The following ERC2 variants were observed in gnomAD, a reference collection of about 807,000 sequenced individuals.
The protein encoded by ERC2 is ELKS/RAB6-interacting/CAST family member 2.
In ERC2, 42 loss-of-function variants were observed where a neutral mutation model predicts 114.8. The ratio of observed to expected loss-of-function variants is 0.37; its 90% confidence interval spans 0.29 to 0.47. The LOEUF (loss-of-function observed/expected upper bound fraction) is 0.47, where lower values mean the gene tolerates loss of function less well. Among genes scored for constraint, ERC2 ranks in the 20% least tolerant of loss-of-function variants. The pLI, the probability that ERC2 is intolerant of heterozygous loss-of-function variation, is 0.99. For missense variants in ERC2, 939 were observed against 1,150.7 expected (o/e 0.82, Z 2.66); for synonymous variants, 454 against 425.5 (o/e 1.07, Z -0.82).
intron 3 of ERC2, among the ~76,000 whole-genome samples, chr3:56,196,058 T>C (rs567303441): frequency 3.8e-4 from 58 of 152,076 alleles, no homozygotes; most frequent in Non-Finnish European, 5.0e-4. Context: ...TGCATACTGA[T>C]TTTTAGCCAG....
rs146033448 is a variant in ERC2, at chr3:55,824,411, G to A, written c.2564+63978C>T. Among the ~76,000 whole-genome samples, 165 of 152,208 alleles carry A rather than the reference G, an allele frequency of 1.1e-3. 1 individual carries two copies. Among genetic ancestry groups the A allele is most frequent in the African/African-American group, 3.6e-3 (150 of 41,546 alleles). On this transcript the variant is annotated intron_variant, in intron 14 of 17. Coordinates refer to ENST00000288221, the MANE Select transcript of ERC2 (RefSeq NM_015576.3). Reference sequence around the variant, plus strand: ...TGTTAACCTGGACCTTCCTTGGACTGTTTATATGAGCAAAAATAAACTCCC... The same window carrying A: ...TGTTAACCTGGACCTTCCTTGGACTATTTATATGAGCAAAAATAAACTCCC...
intron 14 of ERC2, among the ~76,000 whole-genome samples, chr3:55,816,032 T>G (rs1410337378): frequency 6.6e-6 from 1 of 152,220 alleles, no homozygotes; most frequent in Non-Finnish European, 1.5e-5. Flanking sequence ...CCCAGGGACT[T>G]TAACTCTGCA....
At chr3:56,440,979 C>A (rs1187569790) in intron 1 of ERC2, among the ~76,000 whole-genome samples, 4 of 152,168 alleles carry the variant, frequency 2.6e-5, no homozygotes, top group African/African-American at 9.7e-5. Flanking sequence ...GAAATTGATT[C>A]TATTTCCTTT....
At chr3:56,034,243 C>T (rs1203031099) in intron 7 of ERC2, among the ~76,000 whole-genome samples, 1 of 151,926 alleles carries the variant, frequency 6.6e-6, no homozygotes, top group African/African-American at 2.4e-5. Flanking sequence ...AAGGTCATTG[C>T]ATAATAATAA....
intron 14 of ERC2, among the ~76,000 whole-genome samples, chr3:55,859,603 G>A (rs1414439651): frequency 6.6e-6 from 1 of 152,006 alleles, no homozygotes; most frequent in Non-Finnish European, 1.5e-5. Flanking sequence ...ATGTGGTAAT[G>A]TATCATCTTG....
intron 3 of ERC2, among the ~76,000 whole-genome samples, chr3:56,247,072 C>T (rs552228555): frequency 6.6e-6 from 1 of 152,318 alleles, no homozygotes; most frequent in South Asian, 2.1e-4. Context: ...GTGCAGAGAA[C>T]TAAAAACTGG....
intron 17 of ERC2, chr3:55,606,879 C>T (rs1386093728): frequency 6.6e-6 from 1 of 152,346 alleles, no homozygotes; most frequent in Non-Finnish European, 1.5e-5. Context: ...GAACTGGGGG[C>T]TCCCACTCTA....
intron 13 of ERC2, among the ~76,000 whole-genome samples, chr3:55,930,874 C>T (rs193028076): frequency 6.6e-5 from 10 of 152,180 alleles, no homozygotes; most frequent in African/African-American, 2.4e-4. Flanking sequence ...GGGCTAATAT[C>T]CAGAATCTAC....
Position 55,583,433 on chromosome 3 carries a change from T to C in ERC2, c.*40-72157A>G, listed in dbSNP as rs867446414. On this transcript the variant is annotated intron_variant, in intron 17 of 17. Transcript: ENST00000288221. The stretch of plus-strand genomic sequence containing the variant: ...TTCCTTCCTTCCTTCCTTCCTTCCT[T>C]CCTTCCTTCCTCCCTCCCTCCTTCC... Among the ~76,000 whole-genome samples the C allele has an allele frequency of 1.3e-3, 152 of 118,110 alleles. 2 individuals are homozygous for C. Among genetic ancestry groups the C allele is most frequent in the African/African-American group, 5.4e-3 (142 of 26,354 alleles). The allele number at this position is 118,110 out of a possible 152,430, so 77.5% of individuals were successfully genotyped here. A position where few individuals can be genotyped will look rare whatever the true frequency, so the allele number is the denominator to read the frequency against.
chr3:56,110,728 T>C (rs2078913232), intron 6 of ERC2, among the ~76,000 whole-genome samples: 1 of 152,288 alleles, frequency 6.6e-6, no homozygotes, highest in East Asian at 1.9e-4. Flanking sequence ...GTAGGCAGGA[T>C]TGAGACAGGT....
At chr3:55,557,537 A>C (rs1214134604) in intron 17 of ERC2, among the ~76,000 whole-genome samples, 1 of 152,176 alleles carries the variant, frequency 6.6e-6, no homozygotes, top group East Asian at 1.9e-4. Context: ...CCCTTGGGGG[A>C]ATCCTTTATA....
intron 12 of ERC2, among the ~76,000 whole-genome samples, chr3:55,984,511 A>G (rs2070431878): frequency 6.6e-6 from 1 of 152,114 alleles, no homozygotes; most frequent in African/African-American, 2.4e-5. Flanking sequence ...AAAAGCTTGA[A>G]GCTTCATTAA....
intron 3 of ERC2, among the ~76,000 whole-genome samples, chr3:56,254,332 C>T (rs911485138): frequency 2.1e-5 from 3 of 142,054 alleles, no homozygotes; most frequent in Non-Finnish European, 3.2e-5. Context: ...AGCCCTTAAA[C>T]CCCTTTTTTT....
intron 17 of ERC2, among the ~76,000 whole-genome samples, chr3:55,595,265 A>C (rs2058076398): frequency 6.6e-6 from 1 of 152,256 alleles, no homozygotes; most frequent in Non-Finnish European, 1.5e-5. Flanking sequence ...GAGGTAAAAA[A>C]GACATTGATA....
At chr3:55,674,391 C>T (rs1056073565) in intron 17 of ERC2, among the ~76,000 whole-genome samples, 10 of 152,104 alleles carry the variant, frequency 6.6e-5, no homozygotes, top group African/African-American at 2.2e-4. Flanking sequence ...AAAAATATGG[C>T]AAGATATATA....
In ERC2 at chr3:56,150,606, AT is replaced by A. The variant is rs1327658128; in HGVS notation, c.1150-1475del. Among the ~76,000 whole-genome samples, 6 of 152,256 alleles carry A rather than the reference AT, an allele frequency of 3.9e-5. No homozygotes were observed. The East Asian group carries it at 1.2e-3, about 29-fold the overall frequency. On this transcript the variant is annotated intron_variant, in intron 4 of 17. Coordinates refer to ENST00000288221, the MANE Select transcript of ERC2 (RefSeq NM_015576.3). ...TTCCTTTAAAAATAATACCTATTGTATTTTTTCAGTTATAAAAGCAATATAC... is the reference window on the plus strand; with the variant it reads ...TTCCTTTAAAAATAATACCTATTGTATTTTTCAGTTATAAAAGCAATATAC...
At chr3:55,808,669 A>C (rs1434946917) in intron 14 of ERC2, among the ~76,000 whole-genome samples, 1 of 144,882 alleles carries the variant, frequency 6.9e-6, no homozygotes, top group Admixed American at 7.0e-5. Flanking sequence ...TCAAGGTCAA[A>C]AAACAAAATA....
chr3:56,019,808 G>A (rs1298153271), intron 7 of ERC2, among the ~76,000 whole-genome samples: 2 of 152,170 alleles, frequency 1.3e-5, no homozygotes, highest in Middle Eastern at 3.4e-3. Flanking sequence ...TTTATTCTCT[G>A]CTTTCAAACC....
At chr3:56,223,518 CAAAAAA>C (rs60141863) in intron 3 of ERC2, among the ~76,000 whole-genome samples, 1,398 of 122,998 alleles carry the variant, frequency 0.011, 7 homozygotes, top group Non-Finnish European at 0.015. Flanking sequence ...AGAAAAATGG[CAAAAAA>C]AAAAAAAAAA....
Sources: gnomAD v4.1 joint callset for allele counts (sites outside exome capture counted in the v4.1 genomes callset) on GRCh38, gnomAD v4.1.1 for gene constraint, MANE v1.5 for transcripts, NCBI Gene and HGNC (gene_info 2026-07-23, HGNC 2026-07-21) for gene names.